Variants in WASL observed in about 807,000 individuals in gnomAD.
The protein encoded by WASL is actin nucleation-promoting factor WASL.
Under a neutral mutation model 55.5 loss-of-function variants are expected in WASL, and 20 were observed. That is an observed-to-expected ratio of 0.36 (90% CI 0.25 to 0.52). The LOEUF is 0.52. WASL is among the 20% of genes least tolerant of loss of function. The probability of loss-of-function intolerance (pLI) is 0.92; values close to 1 mark genes in which losing one functional copy is unlikely to be tolerated. For missense variants in WASL, 504 were observed against 622.5 expected (o/e 0.81, Z 2.03); for synonymous variants, 249 against 217.6 (o/e 1.14, Z -1.27).
intron 5 of WASL, among the ~76,000 whole-genome samples, chr7:123,704,053 T>C (rs1005928221): frequency 6.6e-5 from 10 of 152,208 alleles, no homozygotes; most frequent in African/African-American, 2.4e-4. Context: ...CTCTCTGGTA[T>C]TCAATGTTTT....
intron 4 of WASL, among the ~76,000 whole-genome samples, chr7:123,705,337 T>C (rs985939024): frequency 2.0e-5 from 3 of 152,136 alleles, no homozygotes; most frequent in African/African-American, 4.8e-5. Flanking sequence ...AGTAGAAGAA[T>C]AGGAACAGAT....
chr7:123,684,584 C>T lies in WASL; in HGVS notation c.1457-4G>A, dbSNP rs1425438145. On this transcript the variant is annotated splice_polypyrimidine_tract_variant and splice_region_variant and intron_variant, in intron 10 of 10. Coordinates refer to ENST00000223023, the MANE Select transcript of WASL (RefSeq NM_003941.4). ...TCATCTTCATCTTCATCTTCATCTA[C>T]AAGAAAATCAAGACAATTAAAACAT... is the stretch of plus-strand genomic sequence containing the variant. The T allele has an allele frequency of 2.0e-6, 3 of 1,494,168 alleles. No homozygotes were observed. The highest frequency in any genetic ancestry group is 1.3e-5 in the South Asian group (1 of 78,056). The allele number at this position is 1,494,168 out of a possible 1,614,324, so 92.6% of individuals were successfully genotyped here.
intron 1 of WASL, among the ~76,000 whole-genome samples, chr7:123,734,591 TAAAAAAAAAAA>T (rs71161498): frequency 2.2e-5 from 2 of 92,362 alleles, no homozygotes; most frequent in Admixed American, 1.3e-4. Flanking sequence ...ATAGAAAATG[TAAAAAAAAAAA>T]AAAAAAAAAA....
chr7:123,707,062 T>G (rs1235430759), intron 2 of WASL, among the ~76,000 whole-genome samples: 1 of 152,166 alleles, frequency 6.6e-6, no homozygotes, highest in African/African-American at 2.4e-5. Context: ...TCAGTTTAAT[T>G]CAGCTAAGAT....
rs931898977 is a variant in WASL, at chr7:123,704,737, G to A, written c.437-80C>T. ...CATAAAAAAATTAATTCACTAAACT[G>A]TCTTATTCCTAAATTGACATACGTG... On this transcript the variant is annotated intron_variant, in intron 4 of 10. Transcript: ENST00000223023. The A allele has an allele frequency of 1.1e-5, 10 of 944,110 alleles. No homozygotes were observed. In the East Asian group the frequency reaches 2.5e-4, roughly 23 times the overall value. 58.5% of individuals were successfully genotyped at this position (944,110 alleles called of 1,614,324 possible).
At position 123,704,511 on chromosome 7, in the gene WASL, C is replaced by T. The variant is rs1803637341; in HGVS notation, c.460+123G>A. 5.6e-6 allele frequency: 4 copies of T among 714,030 alleles called. No individual in the cohort carries two copies. The East Asian group carries it at 1.3e-4, about 23-fold the overall frequency. 44.2% of individuals were successfully genotyped at this position (714,030 alleles called of 1,614,324 possible). A position where few individuals can be genotyped will look rare whatever the true frequency, so the allele number is the denominator to read the frequency against. On this transcript the variant is annotated intron_variant, in intron 5 of 10. Coordinates refer to ENST00000223023, the MANE Select transcript of WASL (RefSeq NM_003941.4). ...AAACATTACTTACTAATGTATGGTA[C>T]ATGTTTCCACAAGGATTAACATGTA...
At chr7:123,716,399 G>A (rs750418149) in intron 1 of WASL, among the ~76,000 whole-genome samples, 1 of 151,996 alleles carries the variant, frequency 6.6e-6, no homozygotes, top group Non-Finnish European at 1.5e-5. Flanking sequence ...TATTTTTGTA[G>A]AGATGGGGTT....
At position 123,683,775 on chromosome 7, in the gene WASL, CA is replaced by C. The variant is rs1345222690; in HGVS notation, c.*743del. 6.6e-6 allele frequency: 1 copy of C among 151,762 alleles called. No homozygotes were observed. The highest frequency in any genetic ancestry group is 1.5e-5 in the Non-Finnish European group (1 of 67,846). 9.4% of individuals were successfully genotyped at this position (151,762 alleles called of 1,614,324 possible). ...TTCAGAGTAATACCAAAAAAATTTT[CA>C]AAAATTTTGCTAAAAAGAGCCTGTC... is the stretch of plus-strand genomic sequence containing the variant. On this transcript the variant is annotated 3_prime_UTR_variant, in exon 11 of 11. Transcript: ENST00000223023.
intron 10 of WASL, among the ~76,000 whole-genome samples, chr7:123,686,801 T>A (rs1326770851): frequency 2.0e-5 from 3 of 152,180 alleles, no homozygotes; most frequent in Non-Finnish European, 4.4e-5. Flanking sequence ...TCAGGCAGTT[T>A]ACCTCATCTG....
At chr7:123,692,078 G>A (rs1240810222) in intron 9 of WASL, among the ~76,000 whole-genome samples, 1 of 152,132 alleles carries the variant, frequency 6.6e-6, no homozygotes, top group Non-Finnish European at 1.5e-5. Flanking sequence ...AATTAACTGG[G>A]AAGAGGTATG....
At chr7:123,734,591 TAAAAAAA>T (rs71161498) in intron 1 of WASL, among the ~76,000 whole-genome samples, 7 of 92,362 alleles carry the variant, frequency 7.6e-5, no homozygotes, top group African/African-American at 2.5e-4. Context: ...ATAGAAAATG[TAAAAAAA>T]AAAAAAAAAA....
chr7:123,733,519 A>G (rs2116818023), intron 1 of WASL, among the ~76,000 whole-genome samples: 1 of 152,340 alleles, frequency 6.6e-6, no homozygotes, highest in African/African-American at 2.4e-5. Context: ...TTTCAGGTTC[A>G]CATAGGAAAA....
At position 123,696,800 on chromosome 7, in the gene WASL, T is replaced by C. The variant is rs147623374; in HGVS notation, c.461-53A>G. On this transcript the variant is annotated intron_variant, in intron 5 of 10. Transcript: ENST00000223023. The stretch of plus-strand genomic sequence containing the variant: ...GGGATATAATTTAAGATAACTGATA[T>C]ACAATCATAATTTACAATTTAAATA... 1.4e-4 allele frequency: 162 copies of C among 1,196,588 alleles called. 1 individual carries two copies. The African/African-American group carries it at 2.2e-3, about 16-fold the overall frequency. The allele number at this position is 1,196,588 out of a possible 1,614,324, so 74.1% of individuals were successfully genotyped here.
intron 10 of WASL, among the ~76,000 whole-genome samples, chr7:123,686,453 A>C (rs987904768): frequency 1.3e-5 from 2 of 152,110 alleles, no homozygotes; most frequent in African/African-American, 4.8e-5. Context: ...GAAGAGGAAG[A>C]AGTAGCTAAT....
chr7:123,695,927 A>G, intron 6 of WASL, 62 bp from the exon 7 acceptor site: 1 of 1,510,172 alleles, frequency 6.6e-7, no homozygotes. Flanking sequence ...TATAAACACA[A>G]TATATATGAA....
chr7:123,714,746 G>C (rs141298870), intron 1 of WASL, among the ~76,000 whole-genome samples: 26 of 152,286 alleles, frequency 1.7e-4, no homozygotes, highest in African/African-American at 5.3e-4. Flanking sequence ...AGTTAATAAA[G>C]GGGAGATTGG....
chr7:123,727,353 T>TCGCACA (rs1554406247), intron 1 of WASL, among the ~76,000 whole-genome samples: 3 of 147,708 alleles, frequency 2.0e-5, no homozygotes, highest in Admixed American at 6.7e-5. Context: ...AAAATATGTG[T>TCGCACA]CACACACACA....
intron 10 of WASL, 35 bp downstream of exon 10, chr7:123,689,006 GT>G (rs1803348061): frequency 4.0e-5 from 51 of 1,279,004 alleles, no homozygotes; most frequent in Non-Finnish European, 5.4e-5. Flanking sequence ...CACTCTCTCT[GT>G]CTCTCTCTCT....
intron 1 of WASL, among the ~76,000 whole-genome samples, chr7:123,739,910 G>A (rs1299995233): frequency 3.4e-5 from 2 of 58,180 alleles, no homozygotes; most frequent in African/African-American, 5.7e-5. Context: ...GTGTGTGTGT[G>A]TGTGTATATA....
Sources: gnomAD v4.1 joint callset for allele counts (sites outside exome capture counted in the v4.1 genomes callset) on GRCh38, gnomAD v4.1.1 for gene constraint, MANE v1.5 for transcripts, NCBI Gene and HGNC (gene_info 2026-07-23, HGNC 2026-07-21) for gene names.